The following MYO3A variants were observed in gnomAD, a reference collection of about 807,000 sequenced individuals.
The protein encoded by MYO3A is myosin IIIA.
Under a neutral mutation model 192.7 loss-of-function variants are expected in MYO3A, and 180 were observed. The ratio of observed to expected loss-of-function variants is 0.93; its 90% CI spans 0.83 to 1.06. The LOEUF is 1.06. MYO3A is among the 50% of genes least tolerant of loss of function. The probability of loss-of-function intolerance (pLI) is 0.00; values close to 1 mark genes in which losing one functional copy is unlikely to be tolerated. For missense variants in MYO3A, 1,896 were observed against 1,905.0 expected, an observed-to-expected ratio of 1.00 and a Z score of 0.09; for synonymous variants, 628 against 645.3, an observed-to-expected ratio of 0.97 and a Z score of 0.41.
intron 10 of MYO3A, among the ~76,000 whole-genome samples, chr10:26,036,481 A>G (rs1343979183): frequency 6.6e-6 from 1 of 152,182 alleles, no homozygotes; most frequent in African/African-American, 2.4e-5. Context: ...CCAAGCTCTC[A>G]GCAGGGGCCA....
chr10:25,992,205 A>G (rs1011336646), intron 4 of MYO3A, among the ~76,000 whole-genome samples: 1 of 152,168 alleles, frequency 6.6e-6, no homozygotes, highest in Non-Finnish European at 1.5e-5. Flanking sequence ...AGTGGTTTGT[A>G]GTTCTCCTTG....
rs551321807 is a variant in MYO3A at position 25,983,348 on chromosome 10, C to T, written c.304-13142C>T. Among the ~76,000 whole-genome samples the T allele has an allele frequency of 5.0e-4, 76 of 151,926 alleles. 1 individual carries two copies. The highest frequency in any genetic ancestry group is 1.2e-3 in the South Asian group (6 of 4,806). ...TCGGCTCACTGCAAGCTCCGCCTCC[C>T]GGGTTCATGCCATTCTCCTGTCTCA... On this transcript the variant is annotated intron_variant, in intron 4 of 34. Transcript: ENST00000642920.
At chr10:26,078,192 T>A (rs1835719433) in intron 14 of MYO3A, among the ~76,000 whole-genome samples, 1 of 151,480 alleles carries the variant, frequency 6.6e-6, no homozygotes, top group African/African-American at 2.4e-5. Context: ...GTTATTGGTC[T>A]GTTCAGAGTA....
chr10:25,976,135 T>C (rs530593475), intron 4 of MYO3A, among the ~76,000 whole-genome samples: 86 of 152,348 alleles, frequency 5.6e-4, no homozygotes, highest in Non-Finnish European at 1.0e-3. Flanking sequence ...TGTACTCTTA[T>C]ACACTGCTTA....
intron 4 of MYO3A, among the ~76,000 whole-genome samples, chr10:25,974,064 T>C (rs192550478): frequency 5.9e-5 from 9 of 152,262 alleles, no homozygotes; most frequent in Admixed American, 5.9e-4. Context: ...CCAAAAGCAA[T>C]TGCAACAAAA....
At chr10:26,106,011 G>T (rs1377812183) in intron 17 of MYO3A, among the ~76,000 whole-genome samples, 1 of 151,848 alleles carries the variant, frequency 6.6e-6, no homozygotes, top group African/African-American at 2.4e-5. Context: ...ACAGTATTCT[G>T]TTGTCTTGAT....
chr10:25,992,420 T>C (rs1306344843), intron 4 of MYO3A, among the ~76,000 whole-genome samples: 1 of 152,262 alleles, frequency 6.6e-6, no homozygotes, highest in Non-Finnish European at 1.5e-5. Context: ...GCTGAGACAA[T>C]GGGGTTTTCT....
intron 6 of MYO3A, among the ~76,000 whole-genome samples, chr10:26,010,751 C>T (rs188608756): frequency 8.5e-5 from 13 of 152,168 alleles, no homozygotes; most frequent in Middle Eastern, 3.4e-3. Flanking sequence ...CATGAGCCAC[C>T]GCACCCCGCC....
At chr10:25,974,318 A>C (rs544313537) in intron 4 of MYO3A, among the ~76,000 whole-genome samples, 75 of 152,208 alleles carry the variant, frequency 4.9e-4, no homozygotes, top group Non-Finnish European at 7.8e-4. Flanking sequence ...AAATTCAAAA[A>C]ATAATTCTAT....
At chr10:25,958,189 G>T (rs985550870) in intron 4 of MYO3A, among the ~76,000 whole-genome samples, 1 of 152,070 alleles carries the variant, frequency 6.6e-6, no homozygotes, top group Non-Finnish European at 1.5e-5. Context: ...GGATGGTATT[G>T]CCTAGATTGT....
intron 26 of MYO3A, among the ~76,000 whole-genome samples, chr10:26,159,250 A>G (rs1313415378): frequency 6.6e-6 from 1 of 151,702 alleles, no homozygotes; most frequent in Non-Finnish European, 1.5e-5. Flanking sequence ...TTGGCCTCCC[A>G]AAGTGCTGGA....
chr10:26,075,613 TATATATGATATATATGTCTCTC>T (rs950992115), intron 14 of MYO3A, among the ~76,000 whole-genome samples: 3 of 147,616 alleles, frequency 2.0e-5, no homozygotes, highest in African/African-American at 4.9e-5. Context: ...CTCTCTCATA[TATATATGATATATATGTCTCTC>T]ATATATGATA....
chr10:26,194,531 C>G (rs1423267887), intron 32 of MYO3A, among the ~76,000 whole-genome samples: 1 of 152,174 alleles, frequency 6.6e-6, no homozygotes, highest in Admixed American at 6.5e-5. Flanking sequence ...CTCCCCTATG[C>G]CCTGGAGAAC....
At chr10:26,047,583 C>A (rs1313332157) in intron 10 of MYO3A, among the ~76,000 whole-genome samples, 3 of 152,050 alleles carry the variant, frequency 2.0e-5, no homozygotes, top group African/African-American at 7.2e-5. Context: ...ACCATCCTGG[C>A]TAACACGGTG....
At position 26,024,422 on chromosome 10, in the gene MYO3A, C is replaced by T. The variant is rs899951156; in HGVS notation, c.797+335C>T. 3.9e-4 allele frequency among the ~76,000 whole-genome samples: 60 copies of T among 152,152 alleles called. 3 individuals carry two copies. The highest frequency in any genetic ancestry group is 1.5e-5 in the Non-Finnish European group (1 of 68,028). ...CATTAGGTTTCGCTTCTTTATCCAT[C>T]TTTATCCTCTGTGCCTTTTAATTGG... On this transcript the variant is annotated intron_variant, in intron 9 of 34. Transcript: ENST00000642920.
chr10:26,116,001 A>T (rs1838480296), intron 17 of MYO3A, among the ~76,000 whole-genome samples: 1 of 152,202 alleles, frequency 6.6e-6, no homozygotes, highest in South Asian at 2.1e-4. Flanking sequence ...CACTAATATG[A>T]TCTTTACTGT....
At chr10:26,143,951 G>A (rs1242886412) in intron 21 of MYO3A, among the ~76,000 whole-genome samples, 1 of 152,172 alleles carries the variant, frequency 6.6e-6, no homozygotes, top group Admixed American at 6.5e-5. Context: ...AGAAGAGATA[G>A]TTAACAGGTA....
At chr10:26,045,430 A>G (rs1290964845) in intron 10 of MYO3A, among the ~76,000 whole-genome samples, 1 of 150,560 alleles carries the variant, frequency 6.6e-6, no homozygotes, top group Non-Finnish European at 1.5e-5. Flanking sequence ...TTCATTATGT[A>G]TGTATGAAAA....
chr10:26,082,742 CTCTCTCTCTCTTTT>C (rs1451763041), intron 14 of MYO3A, among the ~76,000 whole-genome samples: 5 of 133,374 alleles, frequency 3.7e-5, no homozygotes, highest in African/African-American at 1.3e-4. Context: ...TGGTCTCTTT[CTCTCTCTCTCTTTT>C]TCTCTCTCTC....
Sources: allele counts gnomAD v4.1 joint callset (sites outside exome capture counted in the v4.1 genomes callset), GRCh38; gene constraint gnomAD v4.1.1; transcripts MANE v1.5; gene names NCBI Gene and HGNC (gene_info 2026-07-23, HGNC 2026-07-21).